Variants in LIN7C observed in about 807,000 individuals in gnomAD.
LIN7C encodes the protein lin-7 cell polarity scaffold C.
A neutral mutation model predicts 24.7 loss-of-function variants in LIN7C; 17 were observed. That is an observed-to-expected ratio of 0.69 (90% confidence interval 0.47 to 1.03). The LOEUF is 1.03. Ranked by LOEUF, LIN7C falls within the 50% of genes least tolerant of loss-of-function variation. The pLI is 0.00. For synonymous variants in LIN7C, 90 were observed against 83.4 expected (o/e 1.08, Z -0.43); for missense variants, 204 against 239.0 (o/e 0.85, Z 0.97).
chr11:27,498,748 T>C lies in LIN7C; in HGVS notation c.495A>G (p.Gly165=), dbSNP rs942483861. 2 of 1,613,958 alleles carry C rather than the reference T, an allele frequency of 1.2e-6. No individual in the cohort carries two copies. Among genetic ancestry groups the C allele is most frequent in the Admixed American group, 1.7e-5 (1 of 59,992 alleles). The change falls in exon 5 of 5, where the codon GGA becomes GGG. Residue 165 remains glycine (G), a synonymous_variant. Transcript: ENST00000278193. ...KAVELLKAAQ[G]KVKLVVRYTP... ...TGTATCGTACCACTAATTTAACCTT[T>C]CCTTGTGCGGCTTTCAGCAGTTCTA...
intron 3 of LIN7C, among the ~76,000 whole-genome samples, 187 bp downstream of exon 3, chr11:27,501,308 T>G (rs1325405727): frequency 6.6e-6 from 1 of 152,180 alleles, no homozygotes; most frequent in Non-Finnish European, 1.5e-5. Context: ...TGTAAGCTAT[T>G]TATCATGCAG....
At chr11:27,502,652 G>T (rs960977007) in intron 1 of LIN7C, among the ~76,000 whole-genome samples, 1 of 152,164 alleles carries the variant, frequency 6.6e-6, no homozygotes, top group Non-Finnish European at 1.5e-5. Flanking sequence ...CAAGTTACAT[G>T]ATGTCCTTAT....
At position 27,495,044 on chromosome 11, in the gene LIN7C, C is replaced by T. The variant is rs11030033; in HGVS notation, c.*3605G>A. On this transcript the variant is annotated 3_prime_UTR_variant, in exon 5 of 5. Coordinates refer to ENST00000278193, the MANE Select transcript of LIN7C (RefSeq NM_018362.4). ...GACATTCTTTTTGGATAAGCCATAA[C>T]CATTTCTTCTATTAAATGCTATAAT... 3.0e-3 allele frequency: 451 copies of T among 152,710 alleles called. 1 individual carries two copies. Among genetic ancestry groups the T allele is most frequent in the Non-Finnish European group, 5.4e-3 (367 of 68,036 alleles). The allele number at this position is 152,710 out of a possible 1,614,324, so 9.5% of individuals were successfully genotyped here.
chr11:27,498,905 T>C (rs1865195501), intron 4 of LIN7C, 101 bp from the exon 5 acceptor site: 1 of 973,968 alleles, frequency 1.0e-6, no homozygotes, highest in Non-Finnish European at 1.5e-6. Context: ...AGAAAAGTTT[T>C]AATGTTATAT....
In LIN7C at chr11:27,504,961, T is replaced by A. The variant is rs576941192; in HGVS notation, c.37+1755A>T. Among the ~76,000 whole-genome samples the A allele has an allele frequency of 2.0e-4, 31 of 152,056 alleles. 1 individual carries two copies. Among genetic ancestry groups the A allele is most frequent in the African/African-American group, 6.7e-4 (28 of 41,506 alleles). On this transcript the variant is annotated intron_variant, in intron 1 of 4. Transcript: ENST00000278193. ...CTTCTACTGAAGAACAGAAAAGAAA[T>A]CTGTAACAGCAAAAAACAAAGCCAA...
At chr11:27,503,449 T>C (rs1008400471) in intron 1 of LIN7C, among the ~76,000 whole-genome samples, 3 of 152,236 alleles carry the variant, frequency 2.0e-5, no homozygotes, top group Non-Finnish European at 2.9e-5. Context: ...TTTTTCTTTA[T>C]AGAGTTAGTA....
In LIN7C at chr11:27,499,382, G is replaced by C; in HGVS notation, c.415C>G (p.Gln139Glu). The C allele has an allele frequency of 2.5e-6, 4 of 1,613,900 alleles. No homozygotes were observed. The South Asian group carries it at 4.4e-5, about 18-fold the overall frequency. ...DRHGGLKRGD[Q>E]LLSVNGVSVE... The stretch of plus-strand genomic sequence containing the variant: ...ACCACTCCATTAACAGAGAGGAGTT[G>C]ATCTCCACGTTTGAGGCCCCCATGT... Residue 139 changes from glutamine to glutamate, a missense_variant, in exon 4 of 5, where the codon CAA becomes GAA. Gln to Glu is a conservative substitution (Grantham distance 29, BLOSUM62 2). This residue lies in a region of LIN7C where 74 missense variants were observed against 99.6 expected (regional missense o/e 0.74). Coordinates refer to ENST00000278193, the MANE Select transcript of LIN7C (RefSeq NM_018362.4).
chr11:27,505,875 A>G (rs1865281453), intron 1 of LIN7C, among the ~76,000 whole-genome samples: 1 of 152,236 alleles, frequency 6.6e-6, no homozygotes. Context: ...ATTGTTTGAA[A>G]TAAAGGACTT....
In LIN7C at chr11:27,501,742, T is replaced by TA. The variant is rs547350739; in HGVS notation, c.156+59dup. On this transcript the variant is annotated intron_variant, in intron 2 of 4. Transcript: ENST00000278193. ...TCTTAAGAAATGTTGAACCCAAATTTAGAGTATTATCTGACCTAATTAACT... is the reference window on the plus strand; with the variant it reads ...TCTTAAGAAATGTTGAACCCAAATTTAAGAGTATTATCTGACCTAATTAACT... The TA allele has an allele frequency of 7.7e-3, 8,338 of 1,083,458 alleles. 55 individuals carry two copies. The highest frequency in any genetic ancestry group is 9.8e-3 in the Non-Finnish European group (7,184 of 731,690). The allele number at this position is 1,083,458 out of a possible 1,614,324, so 67.1% of individuals were successfully genotyped here.
intron 3 of LIN7C, 133 bp from the exon 4 acceptor site, chr11:27,499,701 C>G: frequency 1.4e-6 from 1 of 726,574 alleles, no homozygotes; most frequent in Non-Finnish European, 2.2e-6. Flanking sequence ...TGGCTCACTG[C>G]AAGCTCCACC....
chr11:27,506,562 A>C lies in LIN7C; in HGVS notation c.37+154T>G, dbSNP rs747495701. ...ACAAAATACCGTAAGCGCCCTTCCTAGAGCCAGGCACAGAGACAACGGCGG... is the reference window on the plus strand; with the variant it reads ...ACAAAATACCGTAAGCGCCCTTCCTCGAGCCAGGCACAGAGACAACGGCGG... On this transcript the variant is annotated intron_variant, in intron 1 of 4. Transcript: ENST00000278193. Among the ~76,000 whole-genome samples, 196 of 152,306 alleles carry C rather than the reference A, an allele frequency of 1.3e-3. 1 individual carries two copies. Among genetic ancestry groups the C allele is most frequent in the Middle Eastern group, 3.4e-3 (1 of 294 alleles).
rs1865164969 is a variant in LIN7C at position 27,495,993 on chromosome 11, A to T, written c.*2656T>A. ...TTTAAAACAAAAAACAAACAAACCA[A>T]AAAAAAAACAAAAAAAAAACCTAAG... On this transcript the variant is annotated 3_prime_UTR_variant, in exon 5 of 5. Transcript: ENST00000278193. 8.6e-6 allele frequency: 1 copy of T among 116,088 alleles called. No homozygotes were observed. The highest frequency in any genetic ancestry group is 3.1e-4 in the South Asian group (1 of 3,238). 7.2% of individuals were successfully genotyped at this position (116,088 alleles called of 1,614,324 possible). A position where few individuals can be genotyped will look rare whatever the true frequency, so the allele number is the denominator to read the frequency against.
At chr11:27,502,229 G>T (rs772106730) in intron 1 of LIN7C, among the ~76,000 whole-genome samples, 1 of 152,172 alleles carries the variant, frequency 6.6e-6, no homozygotes, top group Non-Finnish European at 1.5e-5. Flanking sequence ...AAATGTCATC[G>T]GAAAGGACTG....
At chr11:27,506,566 C>T in intron 1 of LIN7C, 150 bp downstream of exon 1, 1 of 808,556 alleles carries the variant, frequency 1.2e-6, no homozygotes, top group Non-Finnish European at 2.0e-6. Context: ...CTTCCTAGAG[C>T]CAGGCACAGA....
rs950256033 is a variant in LIN7C at position 27,498,498 on chromosome 11, A to T, written c.*151T>A. On this transcript the variant is annotated 3_prime_UTR_variant, in exon 5 of 5. Transcript: ENST00000278193. ...GTATGCATCTCTGGAACCATAAATGATGTTAAAATAGGCATTTATAAAATG... is the reference window on the plus strand; with the variant it reads ...GTATGCATCTCTGGAACCATAAATGTTGTTAAAATAGGCATTTATAAAATG... 4 of 717,434 alleles carry T rather than the reference A, an allele frequency of 5.6e-6. No individual in the cohort carries two copies. In the African/African-American group the frequency reaches 7.2e-5, roughly 13 times the overall value. 44.4% of individuals were successfully genotyped at this position (717,434 alleles called of 1,614,324 possible).
intron 1 of LIN7C, among the ~76,000 whole-genome samples, chr11:27,506,171 G>A (rs896501652): frequency 6.6e-6 from 1 of 152,216 alleles, no homozygotes; most frequent in Admixed American, 6.5e-5. Context: ...AAGTCAGTAG[G>A]ATTGTTTTTA....
chr11:27,496,372 T>C lies in LIN7C; in HGVS notation c.*2277A>G, dbSNP rs1454940896. 6.6e-6 allele frequency: 1 copy of C among 152,218 alleles called. No homozygotes were observed. Among genetic ancestry groups the C allele is most frequent in the African/African-American group, 2.4e-5 (1 of 41,464 alleles). The allele number at this position is 152,218 out of a possible 1,614,324, so 9.4% of individuals were successfully genotyped here. The stretch of plus-strand genomic sequence containing the variant: ...TATCATACACTTACTATGTACCTAG[T>C]TTTATTCACGAATCATCCATTTCTA... On this transcript the variant is annotated 3_prime_UTR_variant, in exon 5 of 5. Transcript: ENST00000278193.
In LIN7C at chr11:27,501,646, A is replaced by G. The variant is rs1865227753; in HGVS notation, c.157-80T>C. ...GTTAAAATTTCAGGCAAAGTTATGC[A>G]TCTTTATAAAATGGTTTTATCAGAA... On this transcript the variant is annotated intron_variant, in intron 2 of 4. Coordinates refer to ENST00000278193, the MANE Select transcript of LIN7C (RefSeq NM_018362.4). The G allele has an allele frequency of 5.0e-5, 8 of 160,946 alleles. 1 individual carries two copies. The highest frequency in any genetic ancestry group is 9.3e-5 in the Non-Finnish European group (8 of 85,574). The allele number at this position is 160,946 out of a possible 1,614,324, so 10.0% of individuals were successfully genotyped here.
chr11:27,496,425 T>G lies in LIN7C; in HGVS notation c.*2224A>C, dbSNP rs1865170828. 6.6e-6 allele frequency: 1 copy of G among 152,324 alleles called. No homozygotes were observed. Among genetic ancestry groups the G allele is most frequent in the African/African-American group, 2.4e-5 (1 of 41,576 alleles). The allele number at this position is 152,324 out of a possible 1,614,324, so 9.4% of individuals were successfully genotyped here. On this transcript the variant is annotated 3_prime_UTR_variant, in exon 5 of 5. Coordinates refer to ENST00000278193, the MANE Select transcript of LIN7C (RefSeq NM_018362.4). The stretch of plus-strand genomic sequence containing the variant: ...ATAAAAATTCCCATCATTTCCTCAC[T>G]GCACTAAACCACCACTGTACATCTT...
Sources: gnomAD v4.1 joint callset for allele counts (sites outside exome capture counted in the v4.1 genomes callset) on GRCh38, gnomAD v4.1.1 for gene constraint, gnomAD v4.1.1 regional missense constraint, MANE v1.5 for transcripts, NCBI Gene and HGNC (gene_info 2026-07-23, HGNC 2026-07-21) for gene names.